ZBTB20: variants seen among roughly 807,000 people sequenced by gnomAD.
ZBTB20 encodes the protein zinc finger and BTB domain containing 20, also known as zinc finger and BTB domain-containing protein 20.
A neutral mutation model predicts 56.9 loss-of-function variants in ZBTB20; 9 were observed. The ratio of observed to expected loss-of-function variants is 0.16; its 90% CI spans 0.10 to 0.28. The LOEUF (loss-of-function observed/expected upper bound fraction) is 0.28, where lower values mean the gene tolerates loss of function less well. Ranked by LOEUF, ZBTB20 falls within the 10% of genes least tolerant of loss-of-function variation. The pLI, the probability that ZBTB20 is intolerant of heterozygous loss-of-function variation, is 1.00. For synonymous variants in ZBTB20, 417 were observed against 420.7 expected (o/e 0.99, Z 0.11); for missense variants, 655 against 1,003.0 (o/e 0.65, Z 4.69).
chr3:114,460,299 C>G lies in ZBTB20; in HGVS notation c.-255+40053G>C, dbSNP rs191052658. Among the ~76,000 whole-genome samples, 483 of 152,170 alleles carry G rather than the reference C, an allele frequency of 3.2e-3. 1 individual carries two copies. The highest frequency in any genetic ancestry group is 0.011 in the African/African-American group (438 of 41,524). On this transcript the variant is annotated intron_variant, in intron 7 of 11. Coordinates refer to ENST00000675478, the MANE Select transcript of ZBTB20 (RefSeq NM_001348800.3). ...ATAGTAGGCTGAGGAATGGCCCCCCCCAAAAGATATCCATGTCCTAATCCC... is the reference window on the plus strand; with the variant it reads ...ATAGTAGGCTGAGGAATGGCCCCCCGCAAAAGATATCCATGTCCTAATCCC...
chr3:114,517,582 CTT>C (rs571878509), intron 6 of ZBTB20, among the ~76,000 whole-genome samples: 40 of 142,128 alleles, frequency 2.8e-4, no homozygotes, highest in Non-Finnish European at 2.8e-4. Context: ...ACACATATTT[CTT>C]TTTTTTTTTT....
At chr3:114,822,898 T>C (rs2073332513) in intron 4 of ZBTB20, among the ~76,000 whole-genome samples, 1 of 152,082 alleles carries the variant, frequency 6.6e-6, no homozygotes, top group Non-Finnish European at 1.5e-5. Context: ...GTACATCCGT[T>C]GTCTTTGATG....
chr3:114,896,521 C>A (rs1300544664), intron 4 of ZBTB20, among the ~76,000 whole-genome samples: 1 of 152,004 alleles, frequency 6.6e-6, no homozygotes, highest in Non-Finnish European at 1.5e-5. Flanking sequence ...CTATATGATT[C>A]CACTTATATA....
chr3:115,100,517 T>C (rs2083551229), intron 1 of ZBTB20: 1 of 152,248 alleles, frequency 6.6e-6, no homozygotes, highest in Non-Finnish European at 1.5e-5. Flanking sequence ...CAGCTCTCCT[T>C]CCCCTATCCA....
At chr3:114,762,921 T>C (rs558172478) in intron 5 of ZBTB20, among the ~76,000 whole-genome samples, 1 of 152,302 alleles carries the variant, frequency 6.6e-6, no homozygotes, top group African/African-American at 2.4e-5. Context: ...TGTCTTCTAA[T>C]TGAAAATGAT....
intron 7 of ZBTB20, among the ~76,000 whole-genome samples, chr3:114,451,505 C>T (rs2091605404): frequency 6.6e-6 from 1 of 152,022 alleles, no homozygotes; most frequent in Non-Finnish European, 1.5e-5. Flanking sequence ...AACCAGTATA[C>T]TGAAATAATT....
At chr3:115,130,791 C>T (rs1179291242) in intron 1 of ZBTB20, among the ~76,000 whole-genome samples, 6 of 152,192 alleles carry the variant, frequency 3.9e-5, no homozygotes, top group African/African-American at 9.6e-5. Context: ...GATGGAGTTT[C>T]GCTCTTGTTG....
At chr3:114,547,691 A>AT (rs769213964) in intron 6 of ZBTB20, among the ~76,000 whole-genome samples, 67 of 152,344 alleles carry the variant, frequency 4.4e-4, no homozygotes, top group Non-Finnish European at 6.5e-4. Flanking sequence ...CTAATGTTAC[A>AT]TAACAGCTTA....
chr3:114,527,854 A>C (rs1006720448), intron 6 of ZBTB20, among the ~76,000 whole-genome samples: 3 of 152,116 alleles, frequency 2.0e-5, no homozygotes, highest in African/African-American at 4.8e-5. Flanking sequence ...ATTTAGAACA[A>C]ATTATTTGTT....
At chr3:114,994,693 C>A (rs1390922908) in intron 2 of ZBTB20, among the ~76,000 whole-genome samples, 1 of 151,822 alleles carries the variant, frequency 6.6e-6, no homozygotes, top group African/African-American at 2.4e-5. Context: ...CTTTTCAAAC[C>A]TTGAAATCTG....
chr3:114,609,923 G>A (rs1047270293), intron 6 of ZBTB20, among the ~76,000 whole-genome samples: 16 of 152,200 alleles, frequency 1.1e-4, no homozygotes, highest in Non-Finnish European at 1.8e-4. Context: ...AAGAAAATTA[G>A]CAGTCAACAT....
At chr3:114,405,476 GT>G (rs1051327114) in intron 7 of ZBTB20, among the ~76,000 whole-genome samples, 8 of 152,102 alleles carry the variant, frequency 5.3e-5, no homozygotes, top group Admixed American at 3.9e-4. Flanking sequence ...ACCTGGCTGG[GT>G]TTAAGGGATG....
chr3:114,889,379 A>G (rs1406004447), intron 4 of ZBTB20, among the ~76,000 whole-genome samples: 1 of 151,982 alleles, frequency 6.6e-6, no homozygotes, highest in South Asian at 2.1e-4. Context: ...TTAATTAGTC[A>G]CCAAATATTC....
intron 2 of ZBTB20, among the ~76,000 whole-genome samples, chr3:114,997,349 A>T (rs2079069689): frequency 6.6e-6 from 1 of 151,812 alleles, no homozygotes; most frequent in Non-Finnish European, 1.5e-5. Flanking sequence ...CAACCTTGCG[A>T]ATATGCTAAA....
chr3:114,970,004 G>A (rs1167813723), intron 3 of ZBTB20, among the ~76,000 whole-genome samples: 7 of 152,200 alleles, frequency 4.6e-5, no homozygotes, highest in Non-Finnish European at 1.0e-4. Context: ...TTTCTTGTAA[G>A]TGAAAGCTTA....
chr3:114,943,962 C>G (rs957468430), intron 3 of ZBTB20, among the ~76,000 whole-genome samples: 1 of 136,680 alleles, frequency 7.3e-6, no homozygotes, highest in Non-Finnish European at 1.5e-5. Context: ...AAACAATAAT[C>G]AAAAAGGCAA....
Position 114,375,777 on chromosome 3 carries a change from T to C in ZBTB20, c.199+4440A>G, listed in dbSNP as rs183961023. ...TACATGCTTGCATATTCCTTCCATT[T>C]TGTTTTCCCCCTACAGCTTTACTAA... On this transcript the variant is annotated intron_variant, in intron 10 of 11. Transcript: ENST00000675478. 4.6e-5 allele frequency: 7 copies of C among 152,358 alleles called. No homozygotes were observed. The East Asian group carries it at 1.2e-3, about 25-fold the overall frequency. The allele number at this position is 152,358 out of a possible 1,614,324, so 9.4% of individuals were successfully genotyped here. A position where few individuals can be genotyped will look rare whatever the true frequency, so the allele number is the denominator to read the frequency against.
At chr3:115,079,688 C>G (rs969159336) in intron 1 of ZBTB20, among the ~76,000 whole-genome samples, 2 of 152,156 alleles carry the variant, frequency 1.3e-5, no homozygotes, top group Non-Finnish European at 2.9e-5. Flanking sequence ...GCCACTGCGC[C>G]CTGCCCCTAG....
intron 1 of ZBTB20, among the ~76,000 whole-genome samples, chr3:115,145,689 G>C (rs1478914959): frequency 1.3e-5 from 2 of 152,200 alleles, no homozygotes; most frequent in African/African-American, 4.8e-5. Flanking sequence ...TATGTGACCG[G>C]GAGTGGAGGG....
Sources: gnomAD v4.1 joint callset for allele counts (sites outside exome capture counted in the v4.1 genomes callset) on GRCh38, gnomAD v4.1.1 for gene constraint, MANE v1.5 for transcripts, NCBI Gene and HGNC (gene_info 2026-07-23, HGNC 2026-07-21) for gene names.